Variants in MAB21L4 observed in about 807,000 individuals in gnomAD.
The protein encoded by MAB21L4 is protein mab-21-like 4.
Under a neutral mutation model 32.4 loss-of-function variants are expected in MAB21L4, and 25 were observed. The ratio of observed to expected loss-of-function variants is 0.77; its 90% CI spans 0.56 to 1.08. The LOEUF (loss-of-function observed/expected upper bound fraction) is 1.08, where lower values mean the gene tolerates loss of function less well. Among genes scored for constraint, MAB21L4 ranks in the 50% least tolerant of loss-of-function variants. MAB21L4 has a pLI of 0.00. For synonymous variants in MAB21L4, 280 were observed against 276.8 expected (o/e 1.01, Z -0.11); for missense variants, 638 against 611.0 (o/e 1.04, Z -0.47).
In MAB21L4 at chr2:240,891,644, G is replaced by A. The variant is rs201722293; in HGVS notation, c.634C>T (p.Pro212Ser). The A allele has an allele frequency of 9.3e-6, 15 of 1,608,940 alleles. No individual in the cohort carries two copies. In the East Asian group the frequency reaches 3.3e-4, roughly 36 times the overall value. The part of the protein sequence containing the change: ...VPVVRRKLGA[P>S]ALEGVQQMPG... ...ATCTGCTGCACCCCCTCCAGGGCAG[G>A]CGCCCCAAGCTTCCTTCTCACCACG... Residue 212 changes from proline to serine, a missense_variant, in exon 2 of 5, where the codon CCT becomes TCT. Pro to Ser is a moderately conservative substitution (Grantham distance 74). Coordinates refer to ENST00000388934, the MANE Select transcript of MAB21L4 (RefSeq NM_001085437.3).
Position 240,895,770 on chromosome 2 carries a change from C to A in MAB21L4, c.228G>T (p.Glu76Asp). Reference sequence around the variant, plus strand: ...GGGGCACCTCCATGTCCATTGGGTCCTCAGAGGAGCGCAGGGCGAACTGGA... The same window carrying A: ...GGGGCACCTCCATGTCCATTGGGTCATCAGAGGAGCGCAGGGCGAACTGGA... ...EAFQFALRSS[E>D]DPMDMEVPLW... Residue 76 changes from glutamate (E) to aspartate (D), a missense_variant, in exon 1 of 5, where the codon GAG becomes GAT. By Grantham distance (45) the Glu-to-Asp change is conservative. Transcript: ENST00000388934. 12 of 1,611,976 alleles carry A rather than the reference C, an allele frequency of 7.4e-6. No homozygotes were observed. Among genetic ancestry groups the A allele is most frequent in the Non-Finnish European group, 1.0e-5 (12 of 1,179,332 alleles).
At position 240,891,669 on chromosome 2, in the gene MAB21L4, G is replaced by A. The variant is rs779938737; in HGVS notation, c.609C>T (p.Pro203=). The A allele has an allele frequency of 8.8e-5, 141 of 1,609,206 alleles. No homozygotes were observed. In the Admixed American group the frequency reaches 1.9e-3, roughly 22 times the overall value. The stretch of plus-strand genomic sequence containing the variant: ...GCGCCCCAAGCTTCCTTCTCACCAC[G>A]GGCACCACGTGGAAGCTGATTGTTC... The part of the protein sequence containing the change: ...GWRTISFHVV[P]VVRRKLGAPA... The change falls in exon 2 of 5, where the codon CCC becomes CCT. Residue 203 remains proline (P), a synonymous_variant. Transcript: ENST00000388934.
intron 3 of MAB21L4, 41 bp from the exon 4 acceptor site, chr2:240,888,689 C>T (rs765336347): frequency 1.1e-5 from 16 of 1,394,468 alleles, no homozygotes; most frequent in African/African-American, 4.5e-5. Flanking sequence ...CTGGCCCACC[C>T]GGCCCACCCT....
upstream of MAB21L4, chr2:240,896,160 G>A (rs2059186618): frequency 7.5e-7 from 1 of 1,331,000 alleles, no homozygotes; most frequent in African/African-American, 1.5e-5. Context: ...GCACAGTGTG[G>A]CAGGTGAAAT....
chr2:240,888,640 C>T lies in MAB21L4; in HGVS notation c.903G>A (p.Leu301=). Residue 301 remains leucine, a synonymous_variant, in exon 4 of 5, where the codon CTG becomes CTA. Coordinates refer to ENST00000388934, the MANE Select transcript of MAB21L4 (RefSeq NM_001085437.3). ...GLTFGHLKMV[L]LWASVLFLAP... is the part of the protein sequence containing the mutation. ...CCAGGAAGAGCACAGAGGCCCACAG[C>T]AGCACCATCTGCAGGACAGCAGGGT... is the stretch of plus-strand genomic sequence containing the variant. 1 of 1,569,906 alleles carries T rather than the reference C, an allele frequency of 6.4e-7. No homozygotes were observed. The highest frequency in any genetic ancestry group is 8.6e-7 in the Non-Finnish European group (1 of 1,157,512).
chr2:240,891,873 C>G lies in MAB21L4; in HGVS notation c.515-110G>C, dbSNP rs554284656. 13 of 1,579,972 alleles carry G rather than the reference C, an allele frequency of 8.2e-6. No individual in the cohort carries two copies. The East Asian group carries it at 2.8e-4, about 34-fold the overall frequency. ...GCCCCTGCCCCTCATCACCTCTCAC[C>G]TGCAGCCCTCTCTGCTGGCCCCCAC... On this transcript the variant is annotated intron_variant, in intron 1 of 4. Coordinates refer to ENST00000388934, the MANE Select transcript of MAB21L4 (RefSeq NM_001085437.3).
chr2:240,893,893 G>A (rs2059170559), intron 1 of MAB21L4, among the ~76,000 whole-genome samples: 1 of 152,020 alleles, frequency 6.6e-6, no homozygotes. Flanking sequence ...CCCACCCCAT[G>A]GCCTGCATGA....
intron 2 of MAB21L4, among the ~76,000 whole-genome samples, chr2:240,891,261 A>G (rs1277661116): frequency 6.6e-6 from 1 of 152,192 alleles, no homozygotes; most frequent in Non-Finnish European, 1.5e-5. Flanking sequence ...AAAGCTGGGT[A>G]GTGAAAGGTC....
Sources: gnomAD v4.1 joint callset for allele counts (sites outside exome capture counted in the v4.1 genomes callset) on GRCh38, gnomAD v4.1.1 for gene constraint, MANE v1.5 for transcripts, NCBI Gene and HGNC (gene_info 2026-07-23, HGNC 2026-07-21) for gene names.